MID1: variants seen among roughly 807,000 people sequenced by gnomAD.
MID1 encodes midline 1, also known as E3 ubiquitin-protein ligase Midline-1.
A neutral mutation model predicts 40.4 loss-of-function variants in MID1; 7 were observed. The ratio of observed to expected loss-of-function variants is 0.17; its 90% CI spans 0.10 to 0.33. The LOEUF (loss-of-function observed/expected upper bound fraction) is 0.33, where lower values mean the gene tolerates loss of function less well. Ranked by LOEUF, MID1 falls within the 10% of genes least tolerant of loss-of-function variation. The pLI is 1.00. For synonymous variants in MID1, 229 were observed against 221.2 expected (o/e 1.04, Z -0.31); for missense variants, 367 against 558.5 (o/e 0.66, Z 3.46).
chrX:10,596,158 G>A (rs1362123941), intron 1 of MID1, among the ~76,000 whole-genome samples: 1 of 111,848 alleles, frequency 8.9e-6, no homozygotes, highest in African/African-American at 3.2e-5. Flanking sequence ...TTCTTCACCA[G>A]GAGCTATTCA....
At chrX:10,780,485 A>G (rs956698405) in intron 1 of MID1, among the ~76,000 whole-genome samples, 1 of 112,277 alleles carries the variant, frequency 8.9e-6, no homozygotes, top group African/African-American at 3.2e-5. Context: ...TGCAGGCAGC[A>G]TCAGAAAGAA....
At chrX:10,800,112 G>C (rs2043996241) in intron 1 of MID1, among the ~76,000 whole-genome samples, 1 of 111,281 alleles carries the variant, frequency 9.0e-6, no homozygotes, top group African/African-American at 3.3e-5. Flanking sequence ...CTAACTTATA[G>C]GACATGGCAA....
intron 1 of MID1, among the ~76,000 whole-genome samples, chrX:10,585,894 C>G (rs1281045179): frequency 8.9e-6 from 1 of 111,785 alleles, no homozygotes; most frequent in Admixed American, 9.4e-5. Context: ...AATGACAGCA[C>G]AGGCATCGAA....
intron 1 of MID1, among the ~76,000 whole-genome samples, chrX:10,579,963 CTG>C (rs932266895): frequency 9.1e-6 from 1 of 110,182 alleles, no homozygotes; most frequent in African/African-American, 3.3e-5. Flanking sequence ...GACTGTGTGT[CTG>C]TACAGAACAA....
intron 4 of MID1, 32 bp from the exon 5 acceptor site, chrX:10,482,660 T>A: frequency 8.4e-7 from 1 of 1,197,559 alleles, no homozygotes; most frequent in Non-Finnish European, 1.1e-6. Context: ...GAGAGATGGT[T>A]ACATGGGTGG....
intron 3 of MID1, chrX:10,506,485 G>T (rs1931846793): frequency 1.9e-6 from 1 of 530,596 alleles, no homozygotes; most frequent in East Asian, 3.6e-5. Context: ...GAACATTCCA[G>T]CTAATAGGGA....
intron 2 of MID1, among the ~76,000 whole-genome samples, chrX:10,553,854 T>G (rs1271436123): frequency 8.9e-6 from 1 of 112,093 alleles, no homozygotes; most frequent in Non-Finnish European, 1.9e-5. Context: ...CCAGGGAGCC[T>G]GTGTGTCAAA....
chrX:10,772,990 T>C (rs2043780297), intron 1 of MID1, among the ~76,000 whole-genome samples: 1 of 110,914 alleles, frequency 9.0e-6, no homozygotes, highest in Admixed American at 9.6e-5. Flanking sequence ...AAATTGGACT[T>C]GAAGGATTAA....
At chrX:10,745,978 C>T (rs1270493341) in intron 1 of MID1, among the ~76,000 whole-genome samples, 3 of 111,865 alleles carry the variant, frequency 2.7e-5, no homozygotes, top group Non-Finnish European at 5.6e-5. Context: ...GAAACAGACC[C>T]AGAGACGAGA....
At chrX:10,634,455 T>C (rs1462829550) in intron 1 of MID1, among the ~76,000 whole-genome samples, 11 of 111,754 alleles carry the variant, frequency 9.8e-5, no homozygotes, top group Admixed American at 9.5e-4. Context: ...TTAACTAATA[T>C]GGTTTTATCT....
intron 2 of MID1, among the ~76,000 whole-genome samples, chrX:10,526,576 T>C (rs908867630): frequency 1.8e-5 from 2 of 111,896 alleles, no homozygotes; most frequent in African/African-American, 6.5e-5. Context: ...TTGTCATAAG[T>C]ATGACTTTTC....
chrX:10,792,562 T>C (rs905742497), intron 1 of MID1, among the ~76,000 whole-genome samples: 5 of 112,019 alleles, frequency 4.5e-5, no homozygotes, highest in African/African-American at 9.7e-5. Flanking sequence ...TAAATAAATA[T>C]ATAGTTCAAA....
rs1189463440 is a variant in MID1 at position 10,704,739 on chromosome X, T to TACACACACAC, written c.-186-84330_-186-84321dup. Among the ~76,000 whole-genome samples the TACACACACAC allele has an allele frequency of 1.9e-3, 153 of 82,178 alleles. 2 individuals carry two copies. The highest frequency in any genetic ancestry group is 7.0e-3 in the African/African-American group (132 of 18,912). 71.4% of individuals were successfully genotyped at this position (82,178 alleles called of 115,157 possible). On this transcript the variant is annotated intron_variant, in intron 1 of 10. Coordinates refer to the MID1 transcript ENST00000380785. ...GTGTATATATATATATATATATATA[T>TACACACACAC]ACACACACACACACACACACACACA...
chrX:10,653,400 A>C (rs2147576546), intron 1 of MID1, among the ~76,000 whole-genome samples: 1 of 112,588 alleles, frequency 8.9e-6, no homozygotes, highest in Admixed American at 9.4e-5. Flanking sequence ...CTTGTCTTGT[A>C]TTTCTGCCTC....
intron 2 of MID1, among the ~76,000 whole-genome samples, chrX:10,548,681 T>C (rs1011348188): frequency 3.6e-5 from 4 of 111,967 alleles, no homozygotes; most frequent in African/African-American, 1.3e-4. Flanking sequence ...GAGTGTACTT[T>C]GGAAGAAAGG....
chrX:10,797,774 T>C (rs1236869034), intron 1 of MID1, among the ~76,000 whole-genome samples: 3 of 111,856 alleles, frequency 2.7e-5, no homozygotes, highest in Non-Finnish European at 5.6e-5. Flanking sequence ...TTACCAAATA[T>C]AGTTGGTAAC....
intron 1 of MID1, among the ~76,000 whole-genome samples, chrX:10,715,362 C>A (rs1290117159): frequency 8.9e-6 from 1 of 112,127 alleles, no homozygotes; most frequent in African/African-American, 3.2e-5. Context: ...CTGTGCTTTT[C>A]CAATGGTCTT....
chrX:10,744,434 A>G (rs759547791), intron 1 of MID1, among the ~76,000 whole-genome samples: 2 of 111,534 alleles, frequency 1.8e-5, no homozygotes, highest in Non-Finnish European at 3.8e-5. Flanking sequence ...TTAATTTATC[A>G]CCCTGTTCTT....
At chrX:10,734,364 A>T (rs1005125085) in intron 1 of MID1, among the ~76,000 whole-genome samples, 10 of 110,925 alleles carry the variant, frequency 9.0e-5, no homozygotes, top group African/African-American at 3.3e-4. Context: ...AAAGAAGGAA[A>T]CAACAGATAC....
Sources: allele counts gnomAD v4.1 joint callset (sites outside exome capture counted in the v4.1 genomes callset), GRCh38; gene constraint gnomAD v4.1.1; transcripts MANE v1.5; gene names NCBI Gene and HGNC (gene_info 2026-07-23, HGNC 2026-07-21).